MAST4: variants seen among roughly 807,000 people sequenced by gnomAD.
The protein encoded by MAST4 is microtubule associated serine/threonine kinase family member 4.
Under a neutral mutation model 162.7 loss-of-function variants are expected in MAST4, and 89 were observed. That is an observed-to-expected ratio of 0.55 (90% CI 0.46 to 0.65). The LOEUF is 0.65. MAST4 is among the 30% of genes least tolerant of loss of function. The probability of loss-of-function intolerance (pLI) is 0.00; values close to 1 mark genes in which losing one functional copy is unlikely to be tolerated. For missense variants in MAST4, 3,153 were observed against 3,374.0 expected (o/e 0.93, Z 1.62); for synonymous variants, 1,479 against 1,361.1 (o/e 1.09, Z -1.91).
rs1323976510 is a variant in MAST4 at position 67,168,689 on chromosome 5, C to G, written c.*1638C>G. The G allele has an allele frequency of 6.6e-6, 1 of 152,134 alleles. No individual in the cohort carries two copies. Among genetic ancestry groups the G allele is most frequent in the African/African-American group, 2.4e-5 (1 of 41,416 alleles). The allele number at this position is 152,134 out of a possible 1,614,324, so 9.4% of individuals were successfully genotyped here. A position where few individuals can be genotyped will look rare whatever the true frequency, so the allele number is the denominator to read the frequency against. Reference sequence around the variant, plus strand: ...GAGAAAAAAAATTACCAATAAATAACTGATCTAGCACCCAAACTCTCTTGG... The same window carrying G: ...GAGAAAAAAAATTACCAATAAATAAGTGATCTAGCACCCAAACTCTCTTGG... On this transcript the variant is annotated 3_prime_UTR_variant, in exon 29 of 29. Transcript: ENST00000403625.
intron 1 of MAST4, among the ~76,000 whole-genome samples, chr5:66,614,540 G>A (rs768297667): frequency 4.6e-5 from 7 of 152,144 alleles, no homozygotes; most frequent in Non-Finnish European, 7.3e-5. Context: ...GAGTCTTGAT[G>A]AGGGCCATGA....
Position 67,123,947 on chromosome 5 carries a change from C to T in MAST4, c.1745+2845C>T, listed in dbSNP as rs1044490466. Among the ~76,000 whole-genome samples the T allele has an allele frequency of 1.6e-4, 10 of 63,686 alleles. No individual in the cohort carries two copies. The African/African-American group carries it at 2.2e-3, about 14-fold the overall frequency. The allele number at this position is 63,686 out of a possible 152,430, so 41.8% of individuals were successfully genotyped here. A position where few individuals can be genotyped will look rare whatever the true frequency, so the allele number is the denominator to read the frequency against. On this transcript the variant is annotated intron_variant, in intron 14 of 28. Coordinates refer to ENST00000403625, the MANE Select transcript of MAST4 (RefSeq NM_001164664.2). ...TCTTTCTCTCAACTTTCCTCTGGCA[C>T]ACACACACCCTCCTTCCCACATGGA...
At chr5:66,634,194 G>A (rs1343287906) in intron 1 of MAST4, among the ~76,000 whole-genome samples, 1 of 152,080 alleles carries the variant, frequency 6.6e-6, no homozygotes, top group Non-Finnish European at 1.5e-5. Flanking sequence ...TGAGTTGCTG[G>A]GATTACAGGC....
intron 2 of MAST4, among the ~76,000 whole-genome samples, chr5:66,775,283 C>A (rs1171424395): frequency 6.6e-6 from 1 of 151,866 alleles, no homozygotes; most frequent in Non-Finnish European, 1.5e-5. Context: ...ATTGGAGCAA[C>A]CAAAAGACTA....
intron 4 of MAST4, among the ~76,000 whole-genome samples, chr5:66,928,979 T>G (rs1371785319): frequency 6.6e-6 from 1 of 152,196 alleles, no homozygotes; most frequent in Non-Finnish European, 1.5e-5. Context: ...GTGTATTAGC[T>G]GTGTTCTCCA....
At chr5:66,826,897 T>G (rs529982344) in intron 3 of MAST4, among the ~76,000 whole-genome samples, 52 of 152,312 alleles carry the variant, frequency 3.4e-4, no homozygotes, top group African/African-American at 1.2e-3. Context: ...ACTCTTGACA[T>G]TCAGGGAACT....
intron 1 of MAST4, among the ~76,000 whole-genome samples, chr5:66,655,878 T>C (rs1001556620): frequency 6.6e-6 from 1 of 152,218 alleles, no homozygotes; most frequent in African/African-American, 2.4e-5. Context: ...TGCAGAACTT[T>C]TAATATATTT....
chr5:66,646,476 C>G (rs1745845426), intron 1 of MAST4, among the ~76,000 whole-genome samples: 1 of 152,154 alleles, frequency 6.6e-6, no homozygotes. Context: ...AAGTGACATT[C>G]TGTTCCTACT....
At chr5:67,120,491 G>T (rs1007845509) in intron 13 of MAST4, among the ~76,000 whole-genome samples, 2 of 152,108 alleles carry the variant, frequency 1.3e-5, no homozygotes, top group African/African-American at 4.8e-5. Flanking sequence ...TTTGAAACTT[G>T]TTTTGTAAGC....
At chr5:67,137,664 G>A (rs1044793353) in intron 19 of MAST4, among the ~76,000 whole-genome samples, 2 of 152,114 alleles carry the variant, frequency 1.3e-5, no homozygotes, top group East Asian at 1.9e-4. Context: ...AAGTATAGAC[G>A]AATGCTGTGC....
chr5:67,049,025 A>ATATATATATATATATACGTG, intron 4 of MAST4, among the ~76,000 whole-genome samples: 1 of 69,068 alleles, frequency 1.4e-5, no homozygotes, highest in East Asian at 3.8e-4. Flanking sequence ...ATATATACGT[A>ATATATATATATATATACGTG]TATATATATA....
At chr5:66,791,878 AGACAGAC>A (rs1369486822) in intron 3 of MAST4, among the ~76,000 whole-genome samples, 2 of 152,226 alleles carry the variant, frequency 1.3e-5, no homozygotes, top group African/African-American at 4.8e-5. Context: ...GAGAGCTGCC[AGACAGAC>A]GACCATCTTG....
intron 4 of MAST4, among the ~76,000 whole-genome samples, chr5:67,003,113 C>G (rs1751476764): frequency 6.6e-6 from 1 of 151,802 alleles, no homozygotes; most frequent in Non-Finnish European, 1.5e-5. Context: ...ACATCTTTTG[C>G]AATACTTAGA....
Position 66,907,069 on chromosome 5 carries a change from C to T in MAST4, c.674+7087C>T, listed in dbSNP as rs555101079. 6.6e-5 allele frequency among the ~76,000 whole-genome samples: 10 copies of T among 151,466 alleles called. 1 individual carries two copies. Among genetic ancestry groups the T allele is most frequent in the African/African-American group, 1.2e-4 (5 of 41,302 alleles). On this transcript the variant is annotated intron_variant, in intron 4 of 28. Coordinates refer to ENST00000403625, the MANE Select transcript of MAST4 (RefSeq NM_001164664.2). ...CAACTAAAACTCGGCTTTTATCACA[C>T]GACCAGGAAAGATTAAGCTTGTGGA... is the stretch of plus-strand genomic sequence containing the variant.
At chr5:66,882,085 A>AT (rs1448690966) in intron 3 of MAST4, among the ~76,000 whole-genome samples, 1 of 151,990 alleles carries the variant, frequency 6.6e-6, no homozygotes, top group African/African-American at 2.4e-5. Flanking sequence ...CTGTTTTAAC[A>AT]TTTTTCAGGT....
intron 4 of MAST4, among the ~76,000 whole-genome samples, chr5:66,926,637 T>C (rs890089435): frequency 6.6e-6 from 1 of 151,964 alleles, no homozygotes; most frequent in African/African-American, 2.4e-5. Context: ...TATATATGTA[T>C]ATATATGTGT....
At chr5:67,081,486 A>AG (rs1762649041) in intron 5 of MAST4, among the ~76,000 whole-genome samples, 1 of 151,382 alleles carries the variant, frequency 6.6e-6, no homozygotes, top group Non-Finnish European at 1.5e-5. Flanking sequence ...GGGAGAAAAT[A>AG]GGGAAGTGAA....
At chr5:67,039,728 A>T (rs1756486039) in intron 4 of MAST4, among the ~76,000 whole-genome samples, 1 of 152,138 alleles carries the variant, frequency 6.6e-6, no homozygotes, top group Admixed American at 6.5e-5. Context: ...CATAGTTTTA[A>T]TCTAATCCAC....
chr5:66,826,349 C>G (rs1757254000), intron 3 of MAST4, among the ~76,000 whole-genome samples: 1 of 152,028 alleles, frequency 6.6e-6, no homozygotes, highest in African/African-American at 2.4e-5. Flanking sequence ...AAGAAACATA[C>G]TTTTCGTCCT....
Sources: gnomAD v4.1 joint callset for allele counts (sites outside exome capture counted in the v4.1 genomes callset) on GRCh38, gnomAD v4.1.1 for gene constraint, MANE v1.5 for transcripts, NCBI Gene and HGNC (gene_info 2026-07-23, HGNC 2026-07-21) for gene names.